Variants in EYA1 observed in about 807,000 individuals in gnomAD.
EYA1 encodes the protein protein phosphatase EYA1.
Under a neutral mutation model 82.0 loss-of-function variants are expected in EYA1, and 16 were observed. The observed-to-expected ratio is 0.20, with a 90% CI of 0.13 to 0.30. The LOEUF is 0.30. EYA1 is among the 10% of genes least tolerant of loss of function. The pLI is 1.00. For missense variants in EYA1, 633 were observed against 730.7 expected, an observed-to-expected ratio of 0.87 and a Z score of 1.54; for synonymous variants, 261 against 264.4, an observed-to-expected ratio of 0.99 and a Z score of 0.12.
chr8:71,304,100 CAG>C (rs1820481492), intron 7 of EYA1, among the ~76,000 whole-genome samples: 1 of 142,212 alleles, frequency 7.0e-6, no homozygotes, highest in Non-Finnish European at 1.6e-5. Flanking sequence ...TAAATAATCT[CAG>C]GGATTATTTT....
intron 2 of EYA1, among the ~76,000 whole-genome samples, chr8:71,507,023 G>T (rs1373559393): frequency 1.3e-5 from 2 of 151,970 alleles, no homozygotes; most frequent in African/African-American, 4.8e-5. Context: ...AACAGAAAAG[G>T]AATAACTGAC....
At chr8:71,203,095 A>G (rs993947434) in intron 17 of EYA1, among the ~76,000 whole-genome samples, 4 of 152,166 alleles carry the variant, frequency 2.6e-5, no homozygotes, top group African/African-American at 9.7e-5. Context: ...AAAAAGAAAA[A>G]CACATGCTAG....
intron 3 of EYA1, among the ~76,000 whole-genome samples, chr8:71,343,530 G>A (rs1825383831): frequency 6.6e-6 from 1 of 152,166 alleles, no homozygotes; most frequent in African/African-American, 2.4e-5. Flanking sequence ...ACCTGAACTA[G>A]CATGTTAACA....
Position 71,215,437 on chromosome 8 carries a change from C to T in EYA1, c.1547G>A (p.Gly516Glu). The T allele has an allele frequency of 6.2e-7, 1 of 1,612,638 alleles. No homozygotes were observed. The highest frequency in any genetic ancestry group is 8.5e-7 in the Non-Finnish European group (1 of 1,178,640). Reference sequence around the variant, plus strand: ...TTCTATTGGAAATACAATTCCTAACCCATACAGCAGGACTTTCGCCAATGC... The same window carrying T: ...TTCTATTGGAAATACAATTCCTAACTCATACAGCAGGACTTTCGCCAATGC... ...IPALAKVLLY[G>E]LGIVFPIENI... Residue 516 changes from glycine to glutamate, a missense_variant, in exon 16 of 18, where the codon GGG becomes GAG. Transcript: ENST00000340726.
At chr8:71,235,005 C>G (rs72654130) in intron 12 of EYA1, among the ~76,000 whole-genome samples, 11,188 of 152,186 alleles carry the variant, frequency 0.074, 521 homozygotes, top group Non-Finnish European at 0.11. Context: ...TCTGCTTTCC[C>G]TCCCCACCTA....
intron 9 of EYA1, among the ~76,000 whole-genome samples, chr8:71,298,209 A>G (rs1819797017): frequency 1.3e-5 from 2 of 152,200 alleles, no homozygotes; most frequent in Non-Finnish European, 2.9e-5. Context: ...TGTTAAGACC[A>G]TTTTAACCTG....
At position 71,428,791 on chromosome 8, in the gene EYA1, A is replaced by G. The variant is rs571653515; in HGVS notation, c.34-72280T>C. 2.0e-5 allele frequency among the ~76,000 whole-genome samples: 3 copies of G among 152,320 alleles called. No individual in the cohort carries two copies. In the South Asian group the frequency reaches 6.2e-4, roughly 32 times the overall value. On this transcript the variant is annotated intron_variant, in intron 2 of 18. Transcript: ENST00000643681. ...TGCAAGTTCAGCATGTGACTTAAAAAAACCTCAGAGTCATTGTGGCATTTC... is the reference window on the plus strand; with the variant it reads ...TGCAAGTTCAGCATGTGACTTAAAAGAACCTCAGAGTCATTGTGGCATTTC...
intron 2 of EYA1, among the ~76,000 whole-genome samples, chr8:71,395,860 G>C (rs1361966010): frequency 6.6e-6 from 1 of 152,144 alleles, no homozygotes; most frequent in Non-Finnish European, 1.5e-5. Context: ...AGTTTCAGAA[G>C]GAATGGTACC....
intron 17 of EYA1, among the ~76,000 whole-genome samples, chr8:71,202,391 TTTTCTTTTAAACCATACTCAACAC>T (rs1327606975): frequency 6.6e-6 from 1 of 152,152 alleles, no homozygotes; most frequent in African/African-American, 2.4e-5. Context: ...GAACACATGT[TTTTCTTTTAAACCATACTCAACAC>T]TATCGGGAAA....
intron 9 of EYA1, among the ~76,000 whole-genome samples, chr8:71,278,964 T>C (rs1220894505): frequency 2.0e-5 from 3 of 152,164 alleles, no homozygotes; most frequent in East Asian, 1.9e-4. Flanking sequence ...CTACTCTCCC[T>C]AAACAGAAGT....
chr8:71,204,687 C>A (rs1183612005), intron 17 of EYA1, among the ~76,000 whole-genome samples: 2 of 152,164 alleles, frequency 1.3e-5, no homozygotes, highest in African/African-American at 4.8e-5. Flanking sequence ...GTGTATACTT[C>A]TCATTTGTGT....
chr8:71,453,467 G>T (rs1224858039), intron 2 of EYA1, among the ~76,000 whole-genome samples: 6 of 152,104 alleles, frequency 3.9e-5, no homozygotes, highest in African/African-American at 1.4e-4. Context: ...ACACATAATT[G>T]TCAGATTCAT....
intron 1 of EYA1, among the ~76,000 whole-genome samples, chr8:71,541,163 T>C (rs1260840371): frequency 2.0e-5 from 3 of 152,156 alleles, no homozygotes; most frequent in African/African-American, 7.2e-5. Flanking sequence ...TCAGAAACCA[T>C]ATACTCATCA....
chr8:71,431,649 T>G (rs1195634957), intron 2 of EYA1, among the ~76,000 whole-genome samples: 1 of 152,128 alleles, frequency 6.6e-6, no homozygotes, highest in East Asian at 1.9e-4. Context: ...CTTTAACCAT[T>G]CCTCCCTTCT....
chr8:71,215,628 C>G lies in EYA1; in HGVS notation c.1461G>C (p.Ser487=), dbSNP rs773439507. ...GAGAGCCTCACCGGGAGTGAATGAGCGAGAGTGCTTTCAGGGCCAGTGTCA... is the reference window on the plus strand; with the variant it reads ...GAGAGCCTCACCGGGAGTGAATGAGGGAGAGTGCTTTCAGGGCCAGTGTCA... ...SWLTLALKAL[S]LIHSRTNCVN... is the part of the protein sequence containing the mutation. Residue 487 remains serine (S), a synonymous_variant, in exon 15 of 18, where the codon TCG becomes TCC. Transcript: ENST00000340726. 1 of 1,614,002 alleles carries G rather than the reference C, an allele frequency of 6.2e-7. No individual in the cohort carries two copies.
In EYA1 at chr8:71,354,869, G is replaced by C. The variant is rs776514587; in HGVS notation, c.37C>G (p.Leu13Val). 3 of 1,613,714 alleles carry C rather than the reference G, an allele frequency of 1.9e-6. No individual in the cohort carries two copies. In the Admixed American group the frequency reaches 5.0e-5, roughly 27 times the overall value. ...MQDLTSPHSR[L>V]SGSSESPSGP... ...CTGGGGGATTCACTACTACCACTCA[G>C]ACGGCTATGCGGGCTGGTTAGATCC... Residue 13 changes from leucine to valine, a missense_variant, in exon 3 of 18, where the codon CTG becomes GTG. Transcript: ENST00000340726.
chr8:71,249,958 A>T (rs985574034), intron 11 of EYA1, among the ~76,000 whole-genome samples: 6 of 151,810 alleles, frequency 4.0e-5, no homozygotes, highest in Admixed American at 2.6e-4. Flanking sequence ...CCCCATATTG[A>T]ATCAATTTCA....
chr8:71,529,697 A>G (rs1208890436), intron 2 of EYA1: 1 of 150,002 alleles, frequency 6.7e-6, no homozygotes, highest in African/African-American at 2.5e-5. Flanking sequence ...TTTTCTTCCT[A>G]CATGGTGGAT....
chr8:71,272,230 C>T (rs1653715852), intron 9 of EYA1, among the ~76,000 whole-genome samples: 1 of 152,106 alleles, frequency 6.6e-6, no homozygotes, highest in Non-Finnish European at 1.5e-5. Flanking sequence ...ATTCCAGTCA[C>T]AGCACCTGGC....
Sources: allele counts gnomAD v4.1 joint callset (sites outside exome capture counted in the v4.1 genomes callset), GRCh38; gene constraint gnomAD v4.1.1; transcripts MANE v1.5; gene names NCBI Gene and HGNC (gene_info 2026-07-23, HGNC 2026-07-21).